WDR27: variants seen among roughly 807,000 people sequenced by gnomAD.
WDR27 encodes WD repeat-containing protein 27.
In WDR27, 100 loss-of-function variants were observed where a neutral mutation model predicts 114.4. The ratio of observed to expected loss-of-function variants is 0.87; its 90% confidence interval spans 0.74 to 1.03. The LOEUF is 1.03. Among genes scored for constraint, WDR27 ranks in the 50% least tolerant of loss-of-function variants. The pLI is 0.00. For missense variants in WDR27, 1,129 were observed against 1,092.9 expected, an observed-to-expected ratio of 1.03 and a Z score of -0.47; for synonymous variants, 449 against 423.1, an observed-to-expected ratio of 1.06 and a Z score of -0.75.
At chr6:169,694,037 C>T (rs1334626022) in intron 1 of WDR27, among the ~76,000 whole-genome samples, 2 of 152,166 alleles carry the variant, frequency 1.3e-5, no homozygotes, top group African/African-American at 4.8e-5. Context: ...ATGCCGGGCG[C>T]AGTGGCTCAC....
chr6:169,564,200 G>A (rs188372246), intron 25 of WDR27, among the ~76,000 whole-genome samples: 58 of 152,338 alleles, frequency 3.8e-4, no homozygotes, highest in African/African-American at 8.4e-4. Flanking sequence ...TCTGATGTTC[G>A]AGGGCAGGAA....
chr6:169,621,841 T>A (rs1349257587), intron 21 of WDR27, among the ~76,000 whole-genome samples: 1 of 152,134 alleles, frequency 6.6e-6, no homozygotes, highest in Non-Finnish European at 1.5e-5. Flanking sequence ...TTCACGCATA[T>A]ACACACATAT....
At chr6:169,541,551 G>A (rs1796856145) in intron 25 of WDR27, among the ~76,000 whole-genome samples, 1 of 152,198 alleles carries the variant, frequency 6.6e-6, no homozygotes, top group African/African-American at 2.4e-5. Context: ...CGAGGCCATA[G>A]AAAAGTAGCT....
chr6:169,649,071 T>C (rs1045758516), intron 15 of WDR27, 127 bp downstream of exon 15: 1 of 695,250 alleles, frequency 1.4e-6, no homozygotes, highest in African/African-American at 1.8e-5. Context: ...TACATATCTG[T>C]GTACATATGT....
intron 25 of WDR27, among the ~76,000 whole-genome samples, chr6:169,569,921 G>C (rs1224916867): frequency 6.6e-6 from 1 of 151,242 alleles, no homozygotes; most frequent in East Asian, 2.0e-4. Flanking sequence ...ACAAAACCCA[G>C]AGCCATCTAC....
intron 2 of WDR27, among the ~76,000 whole-genome samples, chr6:169,680,706 A>G (rs927358832): frequency 5.3e-5 from 8 of 152,252 alleles, no homozygotes; most frequent in Admixed American, 2.6e-4. Context: ...CATGACAACA[A>G]AAACATAAAA....
chr6:169,639,106 C>T (rs114427109), intron 17 of WDR27, among the ~76,000 whole-genome samples: 2,732 of 143,700 alleles, frequency 0.019, 75 homozygotes, highest in African/African-American at 0.067. Context: ...CAGTGTGGAG[C>T]GTGTACCATG....
At position 169,660,747 on chromosome 6, in the gene WDR27, G is replaced by C. The variant is rs201122874; in HGVS notation, c.1045C>G (p.Arg349Gly). The change falls in exon 10 of 26, where the codon CGA becomes GGA. Residue 349 changes from arginine to glycine, a missense_variant. By Grantham distance (125) the Arg-to-Gly change is moderately radical (BLOSUM62 -2). Transcript: ENST00000448612. ...ACTGAGCTTCCGATCCACACACATC[G>C]GGTGTTCTCAGAAGAAAGACTGATT... ...ACGCLSSENT[R>G]CVWIGSSVGL... 26 of 1,613,602 alleles carry C rather than the reference G, an allele frequency of 1.6e-5. No homozygotes were observed. In the African/African-American group the frequency reaches 2.7e-4, roughly 17 times the overall value.
At chr6:169,507,982 T>C (rs1396163030) in intron 25 of WDR27, among the ~76,000 whole-genome samples, 3 of 152,226 alleles carry the variant, frequency 2.0e-5, no homozygotes, top group Non-Finnish European at 2.9e-5. Context: ...TAAATCTTCA[T>C]AGTATACCCA....
At chr6:169,638,347 A>G (rs1313669127) in intron 18 of WDR27, among the ~76,000 whole-genome samples, 192 bp downstream of exon 18, 1 of 78,248 alleles carries the variant, frequency 1.3e-5, no homozygotes, top group Admixed American at 9.7e-5. Flanking sequence ...AAAAAAAAAA[A>G]AAAAGAAACT....
In WDR27 at chr6:169,675,066, C is replaced by G. The variant is rs140820211; in HGVS notation, c.190-2670G>C. Among the ~76,000 whole-genome samples the G allele has an allele frequency of 2.3e-3, 347 of 152,284 alleles. 1 individual carries two copies. Among genetic ancestry groups the G allele is most frequent in the African/African-American group, 7.8e-3 (326 of 41,552 alleles). Reference sequence around the variant, plus strand: ...GAATGTCATCAGTTAAGGCAGGAACCAGCCATCTGGATGTGTACATGCAGG... The same window carrying G: ...GAATGTCATCAGTTAAGGCAGGAACGAGCCATCTGGATGTGTACATGCAGG... On this transcript the variant is annotated intron_variant, in intron 2 of 25. Coordinates refer to ENST00000448612, the MANE Select transcript of WDR27 (RefSeq NM_182552.5).
intron 25 of WDR27, among the ~76,000 whole-genome samples, chr6:169,514,484 A>T (rs891500330): frequency 6.8e-6 from 1 of 147,864 alleles, no homozygotes; most frequent in African/African-American, 2.5e-5. Flanking sequence ...ATACAAATAT[A>T]TATGTATATA....
chr6:169,542,194 T>C (rs750861507), intron 25 of WDR27, among the ~76,000 whole-genome samples: 48 of 152,106 alleles, frequency 3.2e-4, no homozygotes, highest in Non-Finnish European at 4.9e-4. Flanking sequence ...TAATGATAAA[T>C]AGGATATTTA....
At chr6:169,528,278 GAA>G (rs1795180244) in intron 25 of WDR27, among the ~76,000 whole-genome samples, 1 of 152,088 alleles carries the variant, frequency 6.6e-6, no homozygotes. Flanking sequence ...GTATTTCAAT[GAA>G]AAAAGTTACT....
chr6:169,470,581 T>C (rs1786236152), intron 25 of WDR27, among the ~76,000 whole-genome samples: 1 of 152,166 alleles, frequency 6.6e-6, no homozygotes, highest in Admixed American at 6.6e-5. Flanking sequence ...ACTTGCGCGG[T>C]TGCCTTCTCA....
chr6:169,559,029 A>C (rs1799294878), intron 25 of WDR27: 2 of 152,226 alleles, frequency 1.3e-5, no homozygotes, highest in African/African-American at 4.8e-5. Context: ...TTACAGTAAA[A>C]ATAATAATAT....
intron 6 of WDR27, chr6:169,666,329 G>A: frequency 2.1e-6 from 2 of 946,040 alleles, no homozygotes; most frequent in Non-Finnish European, 2.5e-6. Flanking sequence ...CAGAAAGAAT[G>A]TTAAATCTTT....
chr6:169,574,164 G>T (rs879590620), intron 24 of WDR27, among the ~76,000 whole-genome samples: 1 of 152,246 alleles, frequency 6.6e-6, no homozygotes, highest in Non-Finnish European at 1.5e-5. Context: ...CTTGGATTCC[G>T]AAGCCACTCT....
the WDR27 span, among the ~76,000 whole-genome samples, chr6:169,448,876 AC>A: frequency 1.3e-5 from 2 of 152,120 alleles, no homozygotes; most frequent in African/African-American, 4.8e-5. Flanking sequence ...AGCCCGGCCC[AC>A]CCTTGTGCAA....
Sources: allele counts gnomAD v4.1 joint callset (sites outside exome capture counted in the v4.1 genomes callset), GRCh38; gene constraint gnomAD v4.1.1; transcripts MANE v1.5; gene names NCBI Gene and HGNC (gene_info 2026-07-23, HGNC 2026-07-21).